PCDHGA1: variants seen among roughly 807,000 people sequenced by gnomAD.
The protein encoded by PCDHGA1 is protocadherin gamma subfamily A, 1.
A neutral mutation model predicts 58.0 loss-of-function variants in PCDHGA1; 32 were observed. The ratio of observed to expected loss-of-function variants is 0.55; its 90% CI spans 0.42 to 0.74. The LOEUF is 0.74. Ranked by LOEUF, PCDHGA1 falls within the 30% of genes least tolerant of loss-of-function variation. The probability of loss-of-function intolerance (pLI) is 0.00; values close to 1 mark genes in which losing one functional copy is unlikely to be tolerated. For synonymous variants in PCDHGA1, 498 were observed against 501.1 expected, an observed-to-expected ratio of 0.99 and a Z score of 0.08; for missense variants, 1,205 against 1,182.3, an observed-to-expected ratio of 1.02 and a Z score of -0.28.
At chr5:141,393,821 G>T (rs2240700) in intron 1 of PCDHGA1, 228,339 of 1,613,716 alleles carry the variant, frequency 0.14, 18,414 homozygotes, top group African/African-American at 0.32. Context: ...TGCTCATTTC[G>T]GTGGAAGATG....
chr5:141,496,772 T>C (rs994207358), intron 2 of PCDHGA1, among the ~76,000 whole-genome samples: 9 of 152,008 alleles, frequency 5.9e-5, no homozygotes, highest in African/African-American at 1.2e-4. Flanking sequence ...GCATCTACTA[T>C]GAGCAGGGCC....
chr5:141,511,002 C>T lies in PCDHGA1; in HGVS notation c.2625C>T (p.Ser875=), dbSNP rs143630962. 77 of 1,614,140 alleles carry T rather than the reference C, an allele frequency of 4.8e-5. No individual in the cohort carries two copies. Among genetic ancestry groups the T allele is most frequent in the South Asian group, 2.1e-4 (19 of 91,080 alleles). ...GGGGTGCCGGCACCATGGGATTGAG[C>T]GCCCGCTACGGACCCCAGTTCACCC... The part of the protein sequence containing the change: ...LGGGAGTMGL[S]ARYGPQFTLQ... Residue 875 remains serine (S), a synonymous_variant, in exon 4 of 4, where the codon AGC becomes AGT. Coordinates refer to ENST00000517417, the MANE Select transcript of PCDHGA1 (RefSeq NM_018912.3).
At chr5:141,403,168 G>T in intron 1 of PCDHGA1, 14 of 1,614,032 alleles carry the variant, frequency 8.7e-6, no homozygotes, top group African/African-American at 1.3e-5. Flanking sequence ...GAGGTAGGAC[G>T]CAGCTTTTCT....
chr5:141,414,421 A>AGGGAACAG (rs1486483287), intron 1 of PCDHGA1: 1 of 1,613,776 alleles, frequency 6.2e-7, no homozygotes, highest in Non-Finnish European at 8.5e-7. Context: ...AGCCCTTGAC[A>AGGGAACAG]GGGAACAGGT....
rs1442619702 is a variant in PCDHGA1, at chr5:141,345,123, A to G, written c.2421+12018A>G. ...AGTCCCAGAAGAGGGCACCGTTGGA[A>G]GAGAAATTGCTCTTATCGACGTGCA... is the stretch of plus-strand genomic sequence containing the variant. On this transcript the variant is annotated intron_variant, in intron 1 of 3. Coordinates refer to ENST00000517417, the MANE Select transcript of PCDHGA1 (RefSeq NM_018912.3). The G allele has an allele frequency of 3.1e-6, 5 of 1,613,898 alleles. No homozygotes were observed. The East Asian group carries it at 1.1e-4, about 36-fold the overall frequency.
chr5:141,349,541 A>T (rs1322782063), intron 1 of PCDHGA1, among the ~76,000 whole-genome samples: 1 of 152,216 alleles, frequency 6.6e-6, no homozygotes, highest in Non-Finnish European at 1.5e-5. Flanking sequence ...ATATTTTATA[A>T]AGAAGAGAAA....
At chr5:141,344,333 G>T in intron 1 of PCDHGA1, 3 of 1,613,986 alleles carry the variant, frequency 1.9e-6, no homozygotes, top group East Asian at 2.2e-5. Context: ...CTCAGATCCC[G>T]CTGTGTCTGG....
At chr5:141,357,606 A>G in intron 1 of PCDHGA1, 1 of 1,614,052 alleles carries the variant, frequency 6.2e-7, no homozygotes, top group Middle Eastern at 1.7e-4. Flanking sequence ...AAACAAAAGG[A>G]GACCCTAATC....
chr5:141,484,941 C>T (rs2099604065), intron 1 of PCDHGA1: 2 of 543,888 alleles, frequency 3.7e-6, no homozygotes, highest in East Asian at 6.3e-5. Context: ...ACGTTCTCTG[C>T]TCAGCCTATT....
Position 141,441,858 on chromosome 5 carries a change from C to T in PCDHGA1, c.2422-52949C>T, listed in dbSNP as rs535716058. The T allele has an allele frequency of 6.0e-5, 21 of 349,416 alleles. No homozygotes were observed. The East Asian group carries it at 7.4e-4, about 12-fold the overall frequency. The allele number at this position is 349,416 out of a possible 1,614,324, so 21.6% of individuals were successfully genotyped here. On this transcript the variant is annotated intron_variant, in intron 1 of 3. Coordinates refer to ENST00000517417, the MANE Select transcript of PCDHGA1 (RefSeq NM_018912.3). ...TCGCGCTCTTGGATATGGTGCTGCA[C>T]GCCGCGGAGCCTGGCTACCTGGTCA...
chr5:141,364,239 T>G (rs1763233017), intron 1 of PCDHGA1: 2 of 1,440,110 alleles, frequency 1.4e-6, no homozygotes, highest in African/African-American at 2.9e-5. Context: ...CACGCCCATT[T>G]TCGTCAGGGA....
At chr5:141,360,311 G>C (rs578188210) in intron 1 of PCDHGA1, 5 of 1,613,818 alleles carry the variant, frequency 3.1e-6, no homozygotes, top group Non-Finnish European at 4.2e-6. Context: ...CTCAGCGTCC[G>C]GGACTTGCCA....
At chr5:141,415,285 G>A (rs1561755891) in intron 1 of PCDHGA1, 3 of 1,614,216 alleles carry the variant, frequency 1.9e-6, no homozygotes, top group Non-Finnish European at 2.5e-6. Context: ...GGTGGCCGCG[G>A]TCTCCTGCGT....
At position 141,477,576 on chromosome 5, in the gene PCDHGA1, C is replaced by A; in HGVS notation, c.2422-17231C>A. The A allele has an allele frequency of 6.2e-7, 1 of 1,614,162 alleles. No homozygotes were observed. The highest frequency in any genetic ancestry group is 8.5e-7 in the Non-Finnish European group (1 of 1,180,026). On this transcript the variant is annotated intron_variant, in intron 1 of 3. Transcript: ENST00000517417. The surrounding 1 kb of genome is among the most constrained non-coding windows in gnomAD (Gnocchi z 4.9). ...CTAAGTGTCTGGGACCCCGACGCCC[C>A]GCAGAATGCTCGGCTTTCTTTCTTT...
chr5:141,375,941 G>T, intron 1 of PCDHGA1: 1 of 1,613,580 alleles, frequency 6.2e-7, no homozygotes, highest in South Asian at 1.1e-5. Flanking sequence ...TTTCTCAGTG[G>T]GCCTGCACAC....
At chr5:141,433,877 A>G (rs1481965040) in intron 1 of PCDHGA1, among the ~76,000 whole-genome samples, 5 of 151,470 alleles carry the variant, frequency 3.3e-5, no homozygotes, top group Admixed American at 6.6e-5. Context: ...AGTTTCATCC[A>G]TTGATGACAC....
intron 1 of PCDHGA1, chr5:141,341,563 T>C: frequency 7.5e-7 from 1 of 1,328,462 alleles, no homozygotes; most frequent in Non-Finnish European, 1.0e-6. Flanking sequence ...TCACAGGCTG[T>C]AAGAGGAAGA....
chr5:141,371,349 G>T, intron 1 of PCDHGA1: 1 of 1,614,002 alleles, frequency 6.2e-7, no homozygotes, highest in Non-Finnish European at 8.5e-7. Flanking sequence ...CACAATTGGG[G>T]TGGAAGCAAA....
intron 1 of PCDHGA1, chr5:141,428,236 G>T: frequency 5.8e-6 from 6 of 1,027,096 alleles, no homozygotes; most frequent in Non-Finnish European, 8.9e-6. Flanking sequence ...CAGCCTGCAG[G>T]AGGCACTGCC....
Sources: allele counts gnomAD v4.1 joint callset (sites outside exome capture counted in the v4.1 genomes callset), GRCh38; gene constraint gnomAD v4.1.1; non-coding constraint Gnocchi (gnomAD v3.1); transcripts MANE v1.5; gene names NCBI Gene and HGNC (gene_info 2026-07-23, HGNC 2026-07-21).